Variants in FERMT2 observed in about 807,000 individuals in gnomAD.
FERMT2 encodes the protein FERM domain containing kindlin 2.
FERMT2 carries 15 observed loss-of-function variants against 82.7 expected under a neutral mutation model. The observed-to-expected ratio is 0.18, with a 90% CI of 0.12 to 0.28. The LOEUF (loss-of-function observed/expected upper bound fraction) is 0.28. Among genes scored for constraint, FERMT2 ranks in the 10% least tolerant of loss-of-function variants. The pLI, the probability that FERMT2 is intolerant of heterozygous loss-of-function variation, is 1.00. For synonymous variants in FERMT2, 274 were observed against 271.5 expected, an observed-to-expected ratio of 1.01 and a Z score of -0.09; for missense variants, 645 against 809.4, an observed-to-expected ratio of 0.80 and a Z score of 2.46.
At chr14:52,926,411 AAC>A (rs34726532) in intron 2 of FERMT2, among the ~76,000 whole-genome samples, 5,680 of 146,966 alleles carry the variant, frequency 0.039, 183 homozygotes, top group African/African-American at 0.087. Flanking sequence ...GACCAAGTGC[AAC>A]ACACACACAC....
At position 52,862,344 on chromosome 14, in the gene FERMT2, C is replaced by T. The variant is rs147023338; in HGVS notation, c.1603-1879G>A. 7.5e-3 allele frequency among the ~76,000 whole-genome samples: 1,143 copies of T among 152,064 alleles called. 6 individuals carry two copies. Among genetic ancestry groups the T allele is most frequent in the Non-Finnish European group, 9.9e-3 (670 of 67,982 alleles). ...CCTCTCAAAGTGCTGGGATTACAGG[C>T]GTGAGCCACTGTGCCTGGCCAACAA... On this transcript the variant is annotated intron_variant, in intron 12 of 14. Coordinates refer to ENST00000341590, the MANE Select transcript of FERMT2 (RefSeq NM_006832.3).
At chr14:52,948,103 A>G (rs991197888) in intron 2 of FERMT2, among the ~76,000 whole-genome samples, 2 of 152,298 alleles carry the variant, frequency 1.3e-5, no homozygotes, top group Admixed American at 1.3e-4. Flanking sequence ...CAAACCTGAG[A>G]CAACAGACTT....
rs571540541 is a variant in FERMT2, at chr14:52,859,081, T to C, written c.1869+492A>G. ...AGACTGGGGGCAACATGATGTACAG[T>C]GGTAAATGTGCCAGGTTTTTAAGCC... On this transcript the variant is annotated intron_variant, in intron 14 of 14. Coordinates refer to ENST00000341590, the MANE Select transcript of FERMT2 (RefSeq NM_006832.3). The C allele has an allele frequency of 4.8e-4, 76 of 156,860 alleles. 1 individual carries two copies. In the South Asian group the frequency reaches 0.01, roughly 21 times the overall value. 9.7% of individuals were successfully genotyped at this position (156,860 alleles called of 1,614,324 possible).
chr14:52,860,076 C>A, intron 13 of FERMT2: 1 of 342,292 alleles, frequency 2.9e-6, no homozygotes, highest in Non-Finnish European at 5.3e-6. Context: ...CTCGGCCTCC[C>A]ACAGTGCTGC....
intron 2 of FERMT2, among the ~76,000 whole-genome samples, chr14:52,925,267 A>T (rs900891510): frequency 6.6e-6 from 1 of 152,186 alleles, no homozygotes; most frequent in African/African-American, 2.4e-5. Context: ...AAAAGTACTT[A>T]AAGGCCAGGA....
intron 12 of FERMT2, chr14:52,861,725 T>G (rs1884951772): frequency 6.6e-6 from 1 of 152,556 alleles, no homozygotes; most frequent in South Asian, 2.1e-4. Context: ...TCTTCAAAAT[T>G]TAAAAATCCA....
intron 4 of FERMT2, among the ~76,000 whole-genome samples, chr14:52,885,747 T>G (rs1338091395): frequency 6.6e-6 from 1 of 152,162 alleles, no homozygotes. Context: ...TTATTATAAA[T>G]TGTATATTTT....
chr14:52,870,785 G>A (rs577846168), intron 10 of FERMT2, among the ~76,000 whole-genome samples: 1 of 152,250 alleles, frequency 6.6e-6, no homozygotes, highest in East Asian at 1.9e-4. Flanking sequence ...TTCTCATAAT[G>A]TATCCCTACT....
At chr14:52,923,418 A>T (rs1330373154) in intron 2 of FERMT2, among the ~76,000 whole-genome samples, 1 of 152,178 alleles carries the variant, frequency 6.6e-6, no homozygotes, top group Non-Finnish European at 1.5e-5. Context: ...GAAAAAAGAA[A>T]GAAAAGAAAA....
chr14:52,950,292 A>G (rs1890566616), intron 2 of FERMT2, 120 bp downstream of exon 2: 1 of 980,370 alleles, frequency 1.0e-6, no homozygotes, highest in Non-Finnish European at 1.5e-6. Flanking sequence ...TTACATCTCC[A>G]AAAAGCATTT....
chr14:52,934,180 G>C (rs907891553), intron 2 of FERMT2, among the ~76,000 whole-genome samples: 1 of 151,960 alleles, frequency 6.6e-6, no homozygotes, highest in Non-Finnish European at 1.5e-5. Flanking sequence ...TAATATACAG[G>C]CAGCATGTAA....
intron 12 of FERMT2, chr14:52,863,607 C>G (rs2140059665): frequency 6.6e-6 from 1 of 152,174 alleles, no homozygotes; most frequent in African/African-American, 2.4e-5. Flanking sequence ...GAAAAGAATT[C>G]TAAACAGAGT....
intron 7 of FERMT2, among the ~76,000 whole-genome samples, chr14:52,877,574 CT>C (rs34676786): frequency 1.3e-4 from 9 of 67,054 alleles, no homozygotes; most frequent in East Asian, 6.1e-4. Flanking sequence ...GCTGTTCTTG[CT>C]TTTTTTTTTT....
At chr14:52,890,588 T>C (rs888569430) in intron 4 of FERMT2, among the ~76,000 whole-genome samples, 2 of 149,422 alleles carry the variant, frequency 1.3e-5, no homozygotes, top group Non-Finnish European at 3.0e-5. Context: ...CAATATTACA[T>C]AGACATAATC....
chr14:52,860,885 C>A, intron 12 of FERMT2: 1 of 725,902 alleles, frequency 1.4e-6, no homozygotes, highest in Admixed American at 3.0e-5. Context: ...CTTTAAGGTA[C>A]TTGAAATCAC....
At chr14:52,928,538 C>T (rs1258870026) in intron 2 of FERMT2, 1 of 152,300 alleles carries the variant, frequency 6.6e-6, no homozygotes, top group Non-Finnish European at 1.5e-5. Flanking sequence ...GCTTTTCAGG[C>T]TACTTGCTCA....
At chr14:52,950,044 G>A (rs999807996) in intron 2 of FERMT2, among the ~76,000 whole-genome samples, 4 of 152,118 alleles carry the variant, frequency 2.6e-5, no homozygotes, top group Admixed American at 6.5e-5. Context: ...TGAAGACATA[G>A]ATAACCACGG....
intron 6 of FERMT2, among the ~76,000 whole-genome samples, chr14:52,879,856 T>A (rs12435704): frequency 1.3e-5 from 2 of 152,172 alleles, no homozygotes; most frequent in East Asian, 3.9e-4. Context: ...ATATTTATGG[T>A]AAAGTTAAAT....
intron 3 of FERMT2, among the ~76,000 whole-genome samples, chr14:52,906,412 C>A (rs1334150353): frequency 6.6e-6 from 1 of 151,944 alleles, no homozygotes; most frequent in Non-Finnish European, 1.5e-5. Context: ...CTGGTCTATC[C>A]TAATAAAGCT....
Sources: gnomAD v4.1 joint callset for allele counts (sites outside exome capture counted in the v4.1 genomes callset) on GRCh38, gnomAD v4.1.1 for gene constraint, MANE v1.5 for transcripts, NCBI Gene and HGNC (gene_info 2026-07-23, HGNC 2026-07-21) for gene names.